The following IL26 variants were observed in gnomAD, a reference collection of about 807,000 sequenced individuals.
The protein encoded by IL26 is interleukin 26.
In IL26, 23 loss-of-function variants were observed where a neutral mutation model predicts 21.7. The observed-to-expected ratio is 1.06, with a 90% CI of 0.76 to 1.50. The LOEUF (loss-of-function observed/expected upper bound fraction) is 1.50. Ranked by LOEUF, IL26 falls within the 40% of genes most tolerant of loss-of-function variation. The probability of loss-of-function intolerance (pLI) is 0.00; values close to 1 mark genes in which losing one functional copy is unlikely to be tolerated. For synonymous variants in IL26, 63 were observed against 67.8 expected (o/e 0.93, Z 0.34); for missense variants, 204 against 196.0 (o/e 1.04, Z -0.24).
At chr12:68,203,219 T>C (rs1868436820) in intron 3 of IL26, among the ~76,000 whole-genome samples, 1 of 152,096 alleles carries the variant, frequency 6.6e-6, no homozygotes, top group Admixed American at 6.5e-5. Flanking sequence ...TCAAACCCTA[T>C]CTGAGCACAG....
chr12:68,220,926 C>T (rs150271512), intron 3 of IL26, among the ~76,000 whole-genome samples: 12 of 152,168 alleles, frequency 7.9e-5, no homozygotes, highest in African/African-American at 2.7e-4. Context: ...CGTAAGCTAC[C>T]GTACCTGGCC....
chr12:68,215,959 C>T (rs1006575910), intron 3 of IL26, among the ~76,000 whole-genome samples: 2 of 149,924 alleles, frequency 1.3e-5, no homozygotes, highest in East Asian at 2.0e-4. Context: ...GCTGGGATTA[C>T]AGGCATGAGC....
rs1305053060 is a variant in IL26, at chr12:68,204,007, A to G, written c.364-1924T>C. Among the ~76,000 whole-genome samples, 5 of 152,144 alleles carry G rather than the reference A, an allele frequency of 3.3e-5. No individual in the cohort carries two copies. In the South Asian group the frequency reaches 8.3e-4, roughly 25 times the overall value. On this transcript the variant is annotated intron_variant, in intron 3 of 4. Coordinates refer to ENST00000229134, the MANE Select transcript of IL26 (RefSeq NM_018402.2). ...TACAACATGGGATTCTTTCTCTGGG[A>G]TGAGTGGAATGTTCTAATCTGTCAT...
At chr12:68,218,857 A>G (rs555244025) in intron 3 of IL26, among the ~76,000 whole-genome samples, 1 of 152,052 alleles carries the variant, frequency 6.6e-6, no homozygotes, top group Non-Finnish European at 1.5e-5. Context: ...ATGGAAAAAG[A>G]CATAGCACAC....
intron 3 of IL26, among the ~76,000 whole-genome samples, chr12:68,214,922 C>G (rs980503716): frequency 1.3e-5 from 2 of 150,394 alleles, no homozygotes; most frequent in African/African-American, 2.4e-5. Context: ...TTTTTAACTC[C>G]TCTCTTCCTT....
intron 3 of IL26, among the ~76,000 whole-genome samples, chr12:68,211,964 G>A: frequency 6.6e-6 from 1 of 151,920 alleles, no homozygotes; most frequent in East Asian, 1.9e-4. Flanking sequence ...CCAGACCAAT[G>A]TCCTGAAGTG....
intron 3 of IL26, among the ~76,000 whole-genome samples, chr12:68,202,659 G>A (rs1868420749): frequency 6.6e-6 from 1 of 152,092 alleles, no homozygotes; most frequent in Non-Finnish European, 1.5e-5. Context: ...CAGCACAGGA[G>A]AAACCTCCCC....
At chr12:68,207,038 A>G (rs550723304) in intron 3 of IL26, among the ~76,000 whole-genome samples, 3 of 152,312 alleles carry the variant, frequency 2.0e-5, no homozygotes, top group African/African-American at 7.2e-5. Flanking sequence ...GGGTCTATAG[A>G]TGTGCCTTTC....
At chr12:68,212,341 C>T (rs985744334) in intron 3 of IL26, among the ~76,000 whole-genome samples, 1 of 151,984 alleles carries the variant, frequency 6.6e-6, no homozygotes, top group East Asian at 1.9e-4. Context: ...GTTCTTTTTG[C>T]TCAGTATTGC....
At chr12:68,222,842 A>C (rs964791666) in intron 3 of IL26, among the ~76,000 whole-genome samples, 2 of 152,224 alleles carry the variant, frequency 1.3e-5, no homozygotes, top group African/African-American at 4.8e-5. Flanking sequence ...ATTAGTTTCA[A>C]TAGGTTGACC....
intron 3 of IL26, among the ~76,000 whole-genome samples, 193 bp from the exon 4 acceptor site, chr12:68,202,276 C>A (rs1428673480): frequency 2.6e-5 from 4 of 152,016 alleles, no homozygotes; most frequent in African/African-American, 9.7e-5. Flanking sequence ...ACAAATAAAA[C>A]AAAAACAAAA....
At position 68,224,530 on chromosome 12, in the gene IL26, T is replaced by A. The variant is rs574062165; in HGVS notation, c.363+619A>T. Among the ~76,000 whole-genome samples, 229 of 151,884 alleles carry A rather than the reference T, an allele frequency of 1.5e-3. 1 individual carries two copies. The highest frequency in any genetic ancestry group is 3.4e-4 in the Non-Finnish European group (23 of 67,974). On this transcript the variant is annotated intron_variant, in intron 3 of 4. Coordinates refer to ENST00000229134, the MANE Select transcript of IL26 (RefSeq NM_018402.2). ...CTTAAAAGGGGCACAAATATTTTTT[T>A]AAAAACATAAGTAAATAAGAAAAAG...
intron 3 of IL26, 152 bp downstream of exon 3, chr12:68,224,997 T>C (rs1869196056): frequency 1.6e-6 from 1 of 637,470 alleles, no homozygotes; most frequent in African/African-American, 1.8e-5. Flanking sequence ...TATTTAATGC[T>C]ATTTCCCTGG....
chr12:68,216,166 C>G (rs1333171243), intron 3 of IL26, among the ~76,000 whole-genome samples: 1 of 151,878 alleles, frequency 6.6e-6, no homozygotes, highest in East Asian at 2.0e-4. Flanking sequence ...TGGCACACGC[C>G]TGTAGTCCCA....
Position 68,208,455 on chromosome 12 carries a change from C to T in IL26, c.364-6372G>A, listed in dbSNP as rs11571043. ...TTGCAGCACCAATCACAACTTGAGA[C>T]TAGCCAAGATGGGAAGAAAGCATTT... On this transcript the variant is annotated intron_variant, in intron 3 of 4. Transcript: ENST00000229134. Among the ~76,000 whole-genome samples the T allele has an allele frequency of 7.6e-3, 1,158 of 151,978 alleles. 18 individuals are homozygous for T. The highest frequency in any genetic ancestry group is 0.027 in the African/African-American group (1,105 of 41,322).
intron 3 of IL26, among the ~76,000 whole-genome samples, chr12:68,203,167 T>TGGCC (rs1297103305): frequency 1.3e-5 from 2 of 152,182 alleles, no homozygotes; most frequent in Non-Finnish European, 2.9e-5. Flanking sequence ...GTAGGCTGGC[T>TGGCC]GGCCAGGGGA....
rs370924198 is a variant in IL26 at position 68,223,679 on chromosome 12, A to G, written c.363+1470T>C. Among the ~76,000 whole-genome samples, 125 of 152,310 alleles carry G rather than the reference A, an allele frequency of 8.2e-4. 5 individuals carry two copies. In the South Asian group the frequency reaches 0.025, roughly 31 times the overall value. ...TTCATAAGGTTGTCTTATAGGTTTA[A>G]GCATAGAACAAAATTTCAGGCACCA... On this transcript the variant is annotated intron_variant, in intron 3 of 4. Coordinates refer to ENST00000229134, the MANE Select transcript of IL26 (RefSeq NM_018402.2).
At chr12:68,213,075 T>G in intron 3 of IL26, among the ~76,000 whole-genome samples, 1 of 152,076 alleles carries the variant, frequency 6.6e-6, no homozygotes, top group Non-Finnish European at 1.5e-5. Flanking sequence ...TCTAGTCTGT[T>G]AAGGGTTTTT....
chr12:68,211,536 G>T (rs142002732), intron 3 of IL26, among the ~76,000 whole-genome samples: 16 of 152,004 alleles, frequency 1.1e-4, no homozygotes, highest in Non-Finnish European at 1.8e-4. Context: ...AGTGTGCCAG[G>T]GTTCCCCTTT....
Sources: gnomAD v4.1 joint callset for allele counts (sites outside exome capture counted in the v4.1 genomes callset) on GRCh38, gnomAD v4.1.1 for gene constraint, MANE v1.5 for transcripts, NCBI Gene and HGNC (gene_info 2026-07-23, HGNC 2026-07-21) for gene names.